CHSY3: variants seen among roughly 807,000 people sequenced by gnomAD.
CHSY3 encodes chondroitin sulfate synthase 3, also known as N-acetylgalactosaminyl-proteoglycan 3-beta-glucuronosyltransferase 3.
CHSY3 carries 35 observed loss-of-function variants against 67.2 expected under a neutral mutation model. The observed-to-expected ratio is 0.52, with a 90% CI of 0.40 to 0.69. The LOEUF is 0.69. CHSY3 is among the 30% of genes least tolerant of loss of function. CHSY3 has a pLI of 0.00. For missense variants in CHSY3, 1,069 were observed against 1,138.5 expected, an observed-to-expected ratio of 0.94 and a Z score of 0.88; for synonymous variants, 474 against 434.7, an observed-to-expected ratio of 1.09 and a Z score of -1.12.
intron 2 of CHSY3, among the ~76,000 whole-genome samples, chr5:129,935,283 C>T (rs140527460): frequency 2.9e-4 from 44 of 152,166 alleles, no homozygotes; most frequent in Admixed American, 1.3e-3. Context: ...GTCACATATA[C>T]GTGAAATATG....
chr5:130,185,544 A>G lies in CHSY3; in HGVS notation c.2402A>G (p.Gln801Arg), dbSNP rs775283066. Reference protein sequence around the residue: ...LGAGGFDTSIQGWGLEDVDLY... With the variant: ...LGAGGFDTSIRGWGLEDVDLY... Reference sequence around the variant, plus strand: ...GCAGGTGGATTTGATACCTCAATACAAGGCTGGGGACTAGAAGATGTAGAT... The same window carrying G: ...GCAGGTGGATTTGATACCTCAATACGAGGCTGGGGACTAGAAGATGTAGAT... The change falls in exon 3 of 3, where the codon CAA (glutamine) becomes CGA (arginine). Residue 801 changes from glutamine (Q) to arginine (R), a missense_variant. Around this residue, in one of 5 missense-constraint regions of CHSY3, gnomAD observed 139 missense variants for 152.8 expected, o/e 0.91. Coordinates refer to ENST00000305031, the MANE Select transcript of CHSY3 (RefSeq NM_175856.5). 6 of 1,614,162 alleles carry G rather than the reference A, an allele frequency of 3.7e-6. No homozygotes were observed. Among genetic ancestry groups the G allele is most frequent in the Non-Finnish European group, 4.2e-6 (5 of 1,179,998 alleles).
intron 2 of CHSY3, among the ~76,000 whole-genome samples, chr5:130,072,165 G>C (rs1279272917): frequency 6.6e-6 from 1 of 151,904 alleles, no homozygotes; most frequent in Non-Finnish European, 1.5e-5. Context: ...TCACATTGTT[G>C]TTTTCTTTGC....
At position 129,905,266 on chromosome 5, in the gene CHSY3, G is replaced by C. The variant is rs925007820; in HGVS notation, c.437G>C (p.Arg146Thr). 2.1e-5 allele frequency: 31 copies of C among 1,455,306 alleles called. No homozygotes were observed. The Admixed American group carries it at 4.4e-4, about 21-fold the overall frequency. The allele number at this position is 1,455,306 out of a possible 1,614,324, so 90.1% of individuals were successfully genotyped here. A position where few individuals can be genotyped will look rare whatever the true frequency, so the allele number is the denominator to read the frequency against. Reference sequence around the variant, plus strand: ...GACGGGGGCGCGGCTGGGCAGCGGAGAGACGGCCGGCCGGGGAGTAGCCAC... The same window carrying C: ...GACGGGGGCGCGGCTGGGCAGCGGACAGACGGCCGGCCGGGGAGTAGCCAC... ...EEDGGAAGQR[R>T]DGRPGSSHNG... The change falls in exon 1 of 3, where the codon AGA becomes ACA. Residue 146 changes from arginine (R) to threonine (T), a missense_variant. Physicochemically the swap from Arg to Thr is moderately conservative, Grantham distance 71. This residue lies in a region of CHSY3 where 309 missense variants were observed against 262.5 expected (regional missense o/e 1.18). Coordinates refer to ENST00000305031, the MANE Select transcript of CHSY3 (RefSeq NM_175856.5).
chr5:129,904,732 C>G lies in CHSY3; in HGVS notation c.-98C>G. 2 of 1,230,650 alleles carry G rather than the reference C, an allele frequency of 1.6e-6. No homozygotes were observed. The highest frequency in any genetic ancestry group is 2.0e-6 in the Non-Finnish European group (2 of 987,652). 76.2% of individuals were successfully genotyped at this position (1,230,650 alleles called of 1,614,324 possible). On this transcript the variant is annotated 5_prime_UTR_variant, in exon 1 of 3. Transcript: ENST00000305031. ...CCTAGGCGGCCGGCTGCGGCCGCGG[C>G]TGGGGGCGCAAAGGCGGAGGAGGGG... is the stretch of plus-strand genomic sequence containing the variant.
intron 2 of CHSY3, among the ~76,000 whole-genome samples, chr5:130,035,005 G>A (rs1764825861): frequency 6.6e-6 from 1 of 152,068 alleles, no homozygotes; most frequent in Admixed American, 6.6e-5. Flanking sequence ...AGAACTAACA[G>A]GGGAAACAGC....
chr5:130,018,006 C>G (rs1292811528), intron 2 of CHSY3, among the ~76,000 whole-genome samples: 1 of 152,136 alleles, frequency 6.6e-6, no homozygotes, highest in African/African-American at 2.4e-5. Context: ...TGCCCACTGT[C>G]TGGTAATCTG....
chr5:129,996,388 G>A (rs1763540630), intron 2 of CHSY3, among the ~76,000 whole-genome samples: 3 of 152,210 alleles, frequency 2.0e-5, no homozygotes, highest in Middle Eastern at 3.4e-3. Context: ...TCAAAAAATG[G>A]CACAAGAAGC....
intron 2 of CHSY3, among the ~76,000 whole-genome samples, chr5:130,153,895 G>A (rs1477733306): frequency 6.6e-6 from 1 of 150,896 alleles, no homozygotes; most frequent in Non-Finnish European, 1.5e-5. Context: ...TAGAAATTTG[G>A]ATTTCTGGCT....
intron 2 of CHSY3, among the ~76,000 whole-genome samples, chr5:130,040,125 G>A (rs1035843424): frequency 6.6e-6 from 1 of 152,088 alleles, no homozygotes; most frequent in Admixed American, 6.6e-5. Flanking sequence ...TAAGCATCCA[G>A]GTACTTGGGT....
chr5:130,089,997 A>G (rs1766822770), intron 2 of CHSY3, among the ~76,000 whole-genome samples: 1 of 152,190 alleles, frequency 6.6e-6, no homozygotes, highest in Non-Finnish European at 1.5e-5. Flanking sequence ...ACGCATCTTT[A>G]TTCTTTCACA....
chr5:130,063,058 AT>A (rs1431222436), intron 2 of CHSY3, among the ~76,000 whole-genome samples: 1 of 152,082 alleles, frequency 6.6e-6, no homozygotes, highest in Non-Finnish European at 1.5e-5. Context: ...CAGCAGTAGA[AT>A]TTGGTCTTCT....
intron 2 of CHSY3, among the ~76,000 whole-genome samples, chr5:129,988,474 T>C (rs1200980417): frequency 6.6e-6 from 1 of 152,230 alleles, no homozygotes; most frequent in African/African-American, 2.4e-5. Flanking sequence ...TCTAGACATA[T>C]ATTTTTCTTT....
At chr5:130,008,001 C>T (rs1763924834) in intron 2 of CHSY3, among the ~76,000 whole-genome samples, 1 of 152,148 alleles carries the variant, frequency 6.6e-6, no homozygotes. Flanking sequence ...CAGATGGGCC[C>T]CAGCCAGTGT....
chr5:130,004,760 A>G (rs1356894910), intron 2 of CHSY3, among the ~76,000 whole-genome samples: 1 of 152,192 alleles, frequency 6.6e-6, no homozygotes, highest in Non-Finnish European at 1.5e-5. Context: ...AAAAAATAAT[A>G]TTTACAAGAC....
intron 2 of CHSY3, among the ~76,000 whole-genome samples, chr5:130,006,207 A>G (rs1308586621): frequency 6.6e-6 from 1 of 152,150 alleles, no homozygotes; most frequent in Non-Finnish European, 1.5e-5. Flanking sequence ...ACATTTTCCA[A>G]GCAGTAGGAA....
Position 129,970,182 on chromosome 5 carries a change from T to C in CHSY3, c.1086+61822T>C, listed in dbSNP as rs1044146911. On this transcript the variant is annotated intron_variant, in intron 2 of 2. Transcript: ENST00000305031. ...CTTTCGTAAGACTTACTGAAATTAT[T>C]TTATTTGTCTGTTTACTCATTTCTT... Among the ~76,000 whole-genome samples the C allele has an allele frequency of 7.2e-5, 11 of 151,884 alleles. No homozygotes were observed. In the Admixed American group the frequency reaches 7.2e-4, roughly 10 times the overall value.
At chr5:130,150,337 G>T (rs897485566) in intron 2 of CHSY3, among the ~76,000 whole-genome samples, 1 of 151,956 alleles carries the variant, frequency 6.6e-6, no homozygotes, top group African/African-American at 2.4e-5. Flanking sequence ...ATTATAAATT[G>T]TAATCAACAA....
At chr5:130,074,014 C>T (rs1766173485) in intron 2 of CHSY3, among the ~76,000 whole-genome samples, 1 of 152,128 alleles carries the variant, frequency 6.6e-6, no homozygotes, top group Admixed American at 6.6e-5. Context: ...CTAGTGAAAT[C>T]ATATCACGTT....
At chr5:130,174,131 C>A (rs1358574975) in intron 2 of CHSY3, among the ~76,000 whole-genome samples, 1 of 151,946 alleles carries the variant, frequency 6.6e-6, no homozygotes, top group Non-Finnish European at 1.5e-5. Context: ...TTATATTGCA[C>A]ACCACTTAAA....
Sources: gnomAD v4.1 joint callset for allele counts (sites outside exome capture counted in the v4.1 genomes callset) on GRCh38, gnomAD v4.1.1 for gene constraint, gnomAD v4.1.1 regional missense constraint, MANE v1.5 for transcripts, NCBI Gene and HGNC (gene_info 2026-07-23, HGNC 2026-07-21) for gene names.